EBF1: variants seen among roughly 807,000 people sequenced by gnomAD.
EBF1 encodes the protein transcription factor COE1.
In EBF1, 10 loss-of-function variants were observed where a neutral mutation model predicts 68.4. The observed-to-expected ratio is 0.15, with a 90% CI of 0.09 to 0.25. The LOEUF (loss-of-function observed/expected upper bound fraction) is 0.25, where lower values mean the gene tolerates loss of function less well. Among genes scored for constraint, EBF1 ranks in the 10% least tolerant of loss-of-function variants. The pLI is 1.00. For missense variants in EBF1, 509 were observed against 794.4 expected (o/e 0.64, Z 4.32); for synonymous variants, 298 against 299.8 (o/e 0.99, Z 0.06).
At chr5:158,990,739 A>T (rs1475103228) in intron 6 of EBF1, among the ~76,000 whole-genome samples, 4 of 152,200 alleles carry the variant, frequency 2.6e-5, no homozygotes, top group Non-Finnish European at 5.9e-5. Context: ...AATTGCATAA[A>T]TATGTTTTCA....
At chr5:158,720,083 G>T (rs1761612733) in intron 11 of EBF1, among the ~76,000 whole-genome samples, 1 of 152,128 alleles carries the variant, frequency 6.6e-6, no homozygotes, top group Non-Finnish European at 1.5e-5. Context: ...CCAAATATCA[G>T]CAACACACAA....
intron 6 of EBF1, among the ~76,000 whole-genome samples, chr5:158,902,391 G>A (rs373156954): frequency 3.4e-5 from 5 of 148,656 alleles, no homozygotes; most frequent in Admixed American, 6.7e-5. Flanking sequence ...ATCAAAGTAC[G>A]ATTAGGCCCA....
At chr5:158,907,199 G>C (rs954449166) in intron 6 of EBF1, among the ~76,000 whole-genome samples, 2 of 152,160 alleles carry the variant, frequency 1.3e-5, no homozygotes, top group Admixed American at 1.3e-4. Context: ...CTCTAATGGG[G>C]ACCCAGACAG....
chr5:158,713,977 C>A, intron 12 of EBF1, 140 bp downstream of exon 12: 1 of 779,006 alleles, frequency 1.3e-6, no homozygotes. Context: ...CATCTTGCAA[C>A]ATGTTATATC....
intron 6 of EBF1, among the ~76,000 whole-genome samples, chr5:158,975,113 G>A (rs1303694600): frequency 6.6e-6 from 1 of 152,144 alleles, no homozygotes; most frequent in Non-Finnish European, 1.5e-5. Flanking sequence ...AAGTCACTGT[G>A]GGAAATCTGA....
At chr5:158,730,871 C>A (rs1340080764) in intron 11 of EBF1, among the ~76,000 whole-genome samples, 198 bp downstream of exon 11, 1 of 152,152 alleles carries the variant, frequency 6.6e-6, no homozygotes, top group African/African-American at 2.4e-5. Flanking sequence ...AATGGCATAA[C>A]AGATATAAAA....
intron 6 of EBF1, among the ~76,000 whole-genome samples, chr5:159,019,760 C>T (rs1042004327): frequency 1.3e-4 from 20 of 152,106 alleles, no homozygotes; most frequent in African/African-American, 3.9e-4. Flanking sequence ...GTTTCTTTCA[C>T]GCCAGTGGCT....
intron 15 of EBF1, 88 bp from the exon 16 acceptor site, chr5:158,699,230 C>A: frequency 1.7e-6 from 2 of 1,196,746 alleles, no homozygotes; most frequent in Non-Finnish European, 2.4e-6. Context: ...AAAAAAAACA[C>A]CCACACACAA....
At chr5:158,740,620 T>TA (rs1003578020) in intron 10 of EBF1, among the ~76,000 whole-genome samples, 4 of 152,202 alleles carry the variant, frequency 2.6e-5, no homozygotes, top group African/African-American at 9.7e-5. Context: ...ACAGAGAACT[T>TA]ACAACAAGTA....
chr5:158,818,418 T>C (rs934966987), intron 8 of EBF1, among the ~76,000 whole-genome samples: 2 of 152,242 alleles, frequency 1.3e-5, no homozygotes, highest in Non-Finnish European at 2.9e-5. Flanking sequence ...AAAAGGATTA[T>C]AGAAGGTCAT....
intron 9 of EBF1, among the ~76,000 whole-genome samples, chr5:158,794,119 G>C (rs1413549868): frequency 6.6e-6 from 1 of 152,128 alleles, no homozygotes; most frequent in Non-Finnish European, 1.5e-5. Flanking sequence ...TTATGACATA[G>C]CTACAACCAA....
At chr5:159,060,472 T>A (rs1381848064) in intron 6 of EBF1, among the ~76,000 whole-genome samples, 3 of 152,226 alleles carry the variant, frequency 2.0e-5, no homozygotes, top group Admixed American at 6.5e-5. Flanking sequence ...AAATACTGCA[T>A]CCTCCAAAAC....
chr5:158,862,002 C>T (rs1795039797), intron 6 of EBF1, among the ~76,000 whole-genome samples: 1 of 152,098 alleles, frequency 6.6e-6, no homozygotes, highest in Admixed American at 6.5e-5. Context: ...TATTGTTTTA[C>T]TCCATAACAT....
In EBF1 at chr5:158,823,209, G is replaced by A. The variant is rs1434366358; in HGVS notation, c.745C>T (p.Pro249Ser). ...KHGRRARRLD[P>S]SEGTPSYLEH... Reference sequence around the variant, plus strand: ...AGATAAGAGGGCGTACCTTCCGAGGGGTCAAGCCTCCGAGCCCTCCGCCCA... The same window carrying A: ...AGATAAGAGGGCGTACCTTCCGAGGAGTCAAGCCTCCGAGCCCTCCGCCCA... Residue 249 changes from proline (P) to serine (S), a missense_variant, in exon 8 of 16, where the codon CCC (proline) becomes TCC (serine). Physicochemically the swap from Pro to Ser is moderately conservative, Grantham distance 74. Transcript: ENST00000313708. The A allele has an allele frequency of 6.2e-7, 1 of 1,613,938 alleles. No individual in the cohort carries two copies. Among genetic ancestry groups the A allele is most frequent in the South Asian group, 1.1e-5 (1 of 91,066 alleles).
intron 7 of EBF1, among the ~76,000 whole-genome samples, chr5:158,829,953 T>C (rs1026954016): frequency 1.3e-5 from 2 of 152,242 alleles, no homozygotes; most frequent in Non-Finnish European, 2.9e-5. Context: ...ACTCTGGTTA[T>C]CTCATCTACA....
At chr5:158,837,878 G>A (rs553876313) in intron 7 of EBF1, among the ~76,000 whole-genome samples, 1 of 152,190 alleles carries the variant, frequency 6.6e-6, no homozygotes, top group African/African-American at 2.4e-5. Context: ...ACTGTTTCAC[G>A]CCCAGCTATA....
chr5:158,957,768 G>T (rs1817430687), intron 6 of EBF1, among the ~76,000 whole-genome samples: 1 of 152,050 alleles, frequency 6.6e-6, no homozygotes, highest in Non-Finnish European at 1.5e-5. Flanking sequence ...TTCCTTTATG[G>T]CCGCATGATA....
rs1460950774 is a variant in EBF1 at position 158,889,333 on chromosome 5, C to T, written c.555-49223G>A. ...GGACCCTGGAAAATTCTGCTGAGGA[C>T]AGTATTTAGCCAGCTTTTCAGTTGG... On this transcript the variant is annotated intron_variant, in intron 6 of 15. Transcript: ENST00000313708. Among the ~76,000 whole-genome samples, 3 of 152,126 alleles carry T rather than the reference C, an allele frequency of 2.0e-5. 1 individual carries two copies. Among genetic ancestry groups the T allele is most frequent in the Non-Finnish European group, 4.4e-5 (3 of 68,030 alleles).
At chr5:158,952,969 A>C (rs778811170) in intron 6 of EBF1, among the ~76,000 whole-genome samples, 1 of 152,174 alleles carries the variant, frequency 6.6e-6, no homozygotes, top group Non-Finnish European at 1.5e-5. Context: ...CCACTTTTAA[A>C]AGAGGAAACT....
Sources: allele counts gnomAD v4.1 joint callset (sites outside exome capture counted in the v4.1 genomes callset), GRCh38; gene constraint gnomAD v4.1.1; transcripts MANE v1.5; gene names NCBI Gene and HGNC (gene_info 2026-07-23, HGNC 2026-07-21).